The following ZDHHC8 variants were observed in gnomAD, a reference collection of about 807,000 sequenced individuals.
ZDHHC8 encodes the protein zDHHC palmitoyltransferase 8.
ZDHHC8 carries 24 observed loss-of-function variants against 61.2 expected under a neutral mutation model. The ratio of observed to expected loss-of-function variants is 0.39; its 90% CI spans 0.28 to 0.55. The LOEUF (loss-of-function observed/expected upper bound fraction) is 0.55. Among genes scored for constraint, ZDHHC8 ranks in the 20% least tolerant of loss-of-function variants. The pLI is 0.60. For missense variants in ZDHHC8, 935 were observed against 1,102.1 expected, an observed-to-expected ratio of 0.85 and a Z score of 2.15; for synonymous variants, 523 against 492.5, an observed-to-expected ratio of 1.06 and a Z score of -0.82.
At position 20,142,998 on chromosome 22, in the gene ZDHHC8, G is replaced by A; in HGVS notation, c.1368G>A (p.Gly456=). The A allele has an allele frequency of 6.2e-7, 1 of 1,605,596 alleles. No individual in the cohort carries two copies. Among genetic ancestry groups the A allele is most frequent in the South Asian group, 1.1e-5 (1 of 90,644 alleles). The part of the protein sequence containing the change: ...VALQPLRSEG[G]PPTPHRSIFA... ...TGCAGCCCCTGCGCTCTGAGGGGGGGCCCCCCACGCCCCACCGTAGCATTT... is the reference window on the plus strand; with the variant it reads ...TGCAGCCCCTGCGCTCTGAGGGGGGACCCCCCACGCCCCACCGTAGCATTT... Residue 456 remains glycine, a synonymous_variant, in exon 10 of 11, where the codon GGG becomes GGA. Transcript: ENST00000334554.
rs1395381458 is a variant in ZDHHC8 at position 20,145,882 on chromosome 22, C to G, written c.*482C>G. 1.0e-6 allele frequency: 1 copy of G among 985,976 alleles called. No individual in the cohort carries two copies. Among genetic ancestry groups the G allele is most frequent in the Non-Finnish European group, 1.2e-6 (1 of 830,244 alleles). 61.1% of individuals were successfully genotyped at this position (985,976 alleles called of 1,614,324 possible). ...GTGTCCCCCGCCAGGCTACTCCTAA[C>G]TAACGCGTTGCCTTTCACGGACCCC... On this transcript the variant is annotated 3_prime_UTR_variant, in exon 11 of 11. Coordinates refer to ENST00000334554, the MANE Select transcript of ZDHHC8 (RefSeq NM_013373.4).
intron 1 of ZDHHC8, among the ~76,000 whole-genome samples, chr22:20,133,966 C>A (rs1443778678): frequency 1.3e-5 from 2 of 152,174 alleles, no homozygotes; most frequent in Non-Finnish European, 2.9e-5. Flanking sequence ...CAGCCCTAGG[C>A]ATGGAGTGCT....
chr22:20,141,607 C>G, intron 9 of ZDHHC8, 77 bp downstream of exon 9: 1 of 1,249,948 alleles, frequency 8.0e-7, no homozygotes, highest in East Asian at 2.5e-5. Context: ...ACAGCCTTCA[C>G]CCCGTGAAGG....
At chr22:20,141,049 G>C in intron 7 of ZDHHC8, 37 bp downstream of exon 7, 1 of 1,606,884 alleles carries the variant, frequency 6.2e-7, no homozygotes, top group Non-Finnish European at 8.5e-7. Context: ...TGGCAGTCAG[G>C]CCCTTGGATG....
At position 20,145,463 on chromosome 22, in the gene ZDHHC8, CT is replaced by C. The variant is rs1485202672; in HGVS notation, c.*64del. 1.2e-5 allele frequency: 16 copies of C among 1,346,632 alleles called. No individual in the cohort carries two copies. The highest frequency in any genetic ancestry group is 1.5e-5 in the African/African-American group (1 of 65,410). 83.4% of individuals were successfully genotyped at this position (1,346,632 alleles called of 1,614,324 possible). A position where few individuals can be genotyped will look rare whatever the true frequency, so the allele number is the denominator to read the frequency against. On this transcript the variant is annotated 3_prime_UTR_variant, in exon 11 of 11. Coordinates refer to ENST00000334554, the MANE Select transcript of ZDHHC8 (RefSeq NM_013373.4). Reference sequence around the variant, plus strand: ...ACCAGGACCCCACAGCGCACCCCCCCTCCCCACCAACTTCTCTGCCCCAGGG... The same window carrying C: ...ACCAGGACCCCACAGCGCACCCCCCCCCCCACCAACTTCTCTGCCCCAGGG...
At position 20,140,623 on chromosome 22, in the gene ZDHHC8, G is replaced by A; in HGVS notation, c.667G>A (p.Gly223Arg). The change falls in exon 6 of 11, where the codon GGG becomes AGG. Residue 223 changes from glycine to arginine, a missense_variant. Gly to Arg is a moderately radical substitution (Grantham distance 125). Around this residue, in one of 3 missense-constraint regions of ZDHHC8, gnomAD observed 199 missense variants for 334.0 expected, o/e 0.60. Coordinates refer to ENST00000334554, the MANE Select transcript of ZDHHC8 (RefSeq NM_013373.4). ...GAGGGTCCTGCATCCACAGGTGACT[G>A]GGAAGTTCCGCGGGGGTGTGAACCC... is the stretch of plus-strand genomic sequence containing the variant. ...RGRTTNEQVT[G>R]KFRGGVNPFT... 6.2e-7 allele frequency: 1 copy of A among 1,606,944 alleles called. No individual in the cohort carries two copies. The highest frequency in any genetic ancestry group is 1.1e-5 in the South Asian group (1 of 89,810).
intron 9 of ZDHHC8, among the ~76,000 whole-genome samples, chr22:20,141,787 C>T (rs965897404): frequency 3.3e-5 from 5 of 152,186 alleles, no homozygotes; most frequent in East Asian, 1.9e-4. Context: ...GAGGGGCTGG[C>T]GTGGGCCATC....
In ZDHHC8 at chr22:20,140,286, G is replaced by A. The variant is rs1050495978; in HGVS notation, c.660+69G>A. The A allele has an allele frequency of 1.2e-5, 17 of 1,464,460 alleles. No individual in the cohort carries two copies. The African/African-American group carries it at 2.1e-4, about 18-fold the overall frequency. The allele number at this position is 1,464,460 out of a possible 1,614,324, so 90.7% of individuals were successfully genotyped here. The stretch of plus-strand genomic sequence containing the variant: ...AGTTGGGGCTGCATGGGGACAGGGT[G>A]GGGGCTGGGGCACCCTTGCCTGAGG... On this transcript the variant is annotated intron_variant, in intron 5 of 10. Transcript: ENST00000334554.
In ZDHHC8 at chr22:20,141,136, G is replaced by C. The variant is rs575100096; in HGVS notation, c.895-81G>C. ...AGCCGTAGACAGATTCTTGGGAGGG[G>C]GCTAGGTCCCAGGCTGAATCCCTAG... On this transcript the variant is annotated intron_variant, in intron 7 of 10. Transcript: ENST00000334554. 114 of 1,582,944 alleles carry C rather than the reference G, an allele frequency of 7.2e-5. No homozygotes were observed. In the Middle Eastern group the frequency reaches 8.7e-4, roughly 12 times the overall value.
rs532995623 is a variant in ZDHHC8, at chr22:20,137,174, C to T, written c.105-2020C>T. ...GGTACCCGCACTGGGCAGGAGGGACCCGGTCACACTGCAGATTTCCCAAAG... is the reference window on the plus strand; with the variant it reads ...GGTACCCGCACTGGGCAGGAGGGACTCGGTCACACTGCAGATTTCCCAAAG... On this transcript the variant is annotated intron_variant, in intron 1 of 10. Transcript: ENST00000334554. 7.2e-5 allele frequency among the ~76,000 whole-genome samples: 11 copies of T among 152,358 alleles called. No individual in the cohort carries two copies. In the South Asian group the frequency reaches 2.3e-3, roughly 32 times the overall value.
At position 20,143,269 on chromosome 22, in the gene ZDHHC8, A is replaced by G; in HGVS notation, c.1639A>G (p.Thr547Ala). 1.9e-6 allele frequency: 3 copies of G among 1,606,178 alleles called. No homozygotes were observed. The highest frequency in any genetic ancestry group is 2.5e-6 in the Non-Finnish European group (3 of 1,179,420). Residue 547 changes from threonine to alanine, a missense_variant, in exon 10 of 11, where the codon ACC (threonine) becomes GCC (alanine). Physicochemically the swap from Thr to Ala is moderately conservative, Grantham distance 58. Around this residue, in one of 3 missense-constraint regions of ZDHHC8, gnomAD observed 692 missense variants for 731.4 expected, o/e 0.95. Transcript: ENST00000334554. ...SPVRYDNLSR[T>A]IMASIQERKD... ...TGTGCGCTACGACAACCTGTCCAGG[A>G]CCATCATGGCATCCATCCAGGAGCG...
In ZDHHC8 at chr22:20,139,323, C is replaced by T; in HGVS notation, c.226+8C>T. On this transcript the variant is annotated splice_region_variant and intron_variant, in intron 2 of 10. Transcript: ENST00000334554. ...CTGGTGTTTTCCCCCGAGGTAGGGC[C>T]CTGTGCTGCGGCAGCTCCTCTCACT... The T allele has an allele frequency of 6.2e-7, 1 of 1,612,718 alleles. No individual in the cohort carries two copies. Among genetic ancestry groups the T allele is most frequent in the Non-Finnish European group, 8.5e-7 (1 of 1,179,372 alleles).
rs1224751511 is a variant in ZDHHC8 at position 20,140,922 on chromosome 22, T to C, written c.804T>C (p.Pro268=). The change falls in exon 7 of 11, where the codon CCT becomes CCC. Residue 268 remains proline (P), a synonymous_variant. Transcript: ENST00000334554. The part of the protein sequence containing the change: ...RLPLAVSLKP[P]FLRPELLDRA... ...CGCTCGCGGTGAGTTTGAAGCCGCC[T>C]TTCCTTAGGCCTGAACTCCTGGACC... 1.2e-6 allele frequency: 2 copies of C among 1,608,332 alleles called. No homozygotes were observed. Among genetic ancestry groups the C allele is most frequent in the Non-Finnish European group, 1.7e-6 (2 of 1,179,976 alleles).
In ZDHHC8 at chr22:20,139,556, G is replaced by C; in HGVS notation, c.305G>C (p.Arg102Pro). The change falls in exon 3 of 11, where the codon CGC becomes CCC. Residue 102 changes from arginine (R) to proline (P), a missense_variant. Transcript: ENST00000334554. ...GTGGATGTGCGAGGTATCCAGGTCCGCATGAAGTGGTGTGCCACGTGCCAC... is the reference window on the plus strand; with the variant it reads ...GTGGATGTGCGAGGTATCCAGGTCCCCATGAAGTGGTGTGCCACGTGCCAC... The part of the protein sequence containing the change: ...KNVDVRGIQV[R>P]MKWCATCHFY... 1.2e-6 allele frequency: 2 copies of C among 1,613,376 alleles called. No individual in the cohort carries two copies. Among genetic ancestry groups the C allele is most frequent in the Non-Finnish European group, 1.7e-6 (2 of 1,180,018 alleles).
In ZDHHC8 at chr22:20,142,948, C is replaced by T. The variant is rs559629028; in HGVS notation, c.1318C>T (p.Arg440Trp). The T allele has an allele frequency of 1.7e-5, 27 of 1,601,036 alleles. No individual in the cohort carries two copies. Among genetic ancestry groups the T allele is most frequent in the African/African-American group, 8.0e-5 (6 of 74,776 alleles). ...LRSLSLKASSRRGGDHVALQP... is the reference protein window; with the variant it reads ...LRSLSLKASSWRGGDHVALQP... ...CTCCCTGAGCCTCAAGGCCTCGAGCCGGCGGGGCGGGGATCATGTGGCCCT... is the reference window on the plus strand; with the variant it reads ...CTCCCTGAGCCTCAAGGCCTCGAGCTGGCGGGGCGGGGATCATGTGGCCCT... Residue 440 changes from arginine (R) to tryptophan (W), a missense_variant, in exon 10 of 11, where the codon CGG becomes TGG. Transcript: ENST00000334554.
Position 20,145,757 on chromosome 22 carries a change from C to T in ZDHHC8, c.*357C>T. 1.0e-6 allele frequency: 1 copy of T among 1,003,254 alleles called. No individual in the cohort carries two copies. Among genetic ancestry groups the T allele is most frequent in the Non-Finnish European group, 1.2e-6 (1 of 841,984 alleles). The allele number at this position is 1,003,254 out of a possible 1,614,324, so 62.1% of individuals were successfully genotyped here. On this transcript the variant is annotated 3_prime_UTR_variant, in exon 11 of 11. Transcript: ENST00000334554. ...CCAGCACCCCAGATCACCGCCAGGC[C>T]AGCCCCCAATGGTCCCCTTACGGAC...
Position 20,147,054 on chromosome 22 carries a change from G to T in ZDHHC8, c.*1654G>T. 6.8e-7 allele frequency: 1 copy of T among 1,465,922 alleles called. No individual in the cohort carries two copies. Among genetic ancestry groups the T allele is most frequent in the Non-Finnish European group, 9.0e-7 (1 of 1,109,242 alleles). The allele number at this position is 1,465,922 out of a possible 1,614,324, so 90.8% of individuals were successfully genotyped here. On this transcript the variant is annotated 3_prime_UTR_variant, in exon 11 of 11. Coordinates refer to ENST00000334554, the MANE Select transcript of ZDHHC8 (RefSeq NM_013373.4). ...TTGGCACCTGCACCCGTGGATGGGGGCGGCGTGGCCAGCCTTGGGTGCCTC... is the reference window on the plus strand; with the variant it reads ...TTGGCACCTGCACCCGTGGATGGGGTCGGCGTGGCCAGCCTTGGGTGCCTC...
At position 20,145,610 on chromosome 22, in the gene ZDHHC8, C is replaced by A; in HGVS notation, c.*210C>A. On this transcript the variant is annotated 3_prime_UTR_variant, in exon 11 of 11. Coordinates refer to ENST00000334554, the MANE Select transcript of ZDHHC8 (RefSeq NM_013373.4). ...ATCTGCCCATGGGGAAGTCGGCTCACTGGGACAAGGGCCACTGGGCTGGTC... is the reference window on the plus strand; with the variant it reads ...ATCTGCCCATGGGGAAGTCGGCTCAATGGGACAAGGGCCACTGGGCTGGTC... 1.6e-6 allele frequency: 2 copies of A among 1,228,672 alleles called. No homozygotes were observed. Among genetic ancestry groups the A allele is most frequent in the African/African-American group, 1.6e-5 (1 of 63,738 alleles). The allele number at this position is 1,228,672 out of a possible 1,614,324, so 76.1% of individuals were successfully genotyped here. A position where few individuals can be genotyped will look rare whatever the true frequency, so the allele number is the denominator to read the frequency against.
intron 1 of ZDHHC8, among the ~76,000 whole-genome samples, chr22:20,136,791 CTGTG>C (rs758662780): frequency 6.6e-6 from 1 of 152,220 alleles, no homozygotes. Context: ...AACAGGTTGT[CTGTG>C]TGTTTATGTG....
Sources: allele counts gnomAD v4.1 joint callset (sites outside exome capture counted in the v4.1 genomes callset), GRCh38; gene constraint gnomAD v4.1.1; regional missense constraint gnomAD v4.1.1; transcripts MANE v1.5; gene names NCBI Gene and HGNC (gene_info 2026-07-23, HGNC 2026-07-21).